Variants in NBEA observed in about 807,000 individuals in gnomAD.
NBEA encodes the protein lysosomal-trafficking regulator 2.
A neutral mutation model predicts 343.4 loss-of-function variants in NBEA; 44 were observed. The ratio of observed to expected loss-of-function variants is 0.13; its 90% confidence interval spans 0.10 to 0.16. The LOEUF (loss-of-function observed/expected upper bound fraction) is 0.16. Ranked by LOEUF, NBEA falls within the 10% of genes least tolerant of loss-of-function variation. The pLI, the probability that NBEA is intolerant of heterozygous loss-of-function variation, is 1.00. For synonymous variants in NBEA, 1,175 were observed against 1,238.7 expected, an observed-to-expected ratio of 0.95 and a Z score of 1.08; for missense variants, 2,555 against 3,631.3, an observed-to-expected ratio of 0.70 and a Z score of 7.62.
chr13:35,149,286 C>T (rs367658318), intron 18 of NBEA, among the ~76,000 whole-genome samples: 4 of 152,074 alleles, frequency 2.6e-5, no homozygotes, highest in African/African-American at 9.6e-5. Context: ...TATTGTATTT[C>T]CCTCATCATA....
intron 1 of NBEA, among the ~76,000 whole-genome samples, chr13:34,950,113 A>T (rs1425038813): frequency 1.3e-5 from 2 of 152,030 alleles, no homozygotes; most frequent in African/African-American, 4.8e-5. Flanking sequence ...GCTTCACTGG[A>T]CTTTATCCTG....
At chr13:35,279,678 C>G (rs1276373029) in intron 34 of NBEA, among the ~76,000 whole-genome samples, 2 of 152,270 alleles carry the variant, frequency 1.3e-5, no homozygotes, top group East Asian at 3.9e-4. Flanking sequence ...TCCTTGCTCT[C>G]TAGTTTCAGA....
intron 1 of NBEA, among the ~76,000 whole-genome samples, chr13:34,988,287 A>C (rs2060630135): frequency 6.6e-6 from 1 of 150,886 alleles, no homozygotes; most frequent in Non-Finnish European, 1.5e-5. Flanking sequence ...CTGTTCTCTG[A>C]GCTCAAACAC....
intron 38 of NBEA, among the ~76,000 whole-genome samples, chr13:35,399,089 T>A (rs1489556200): frequency 6.6e-6 from 1 of 152,122 alleles, no homozygotes; most frequent in Non-Finnish European, 1.5e-5. Flanking sequence ...CTTCTTTCTT[T>A]AAATCTCATG....
At chr13:34,962,276 G>A (rs1249719370) in intron 1 of NBEA, among the ~76,000 whole-genome samples, 2 of 151,974 alleles carry the variant, frequency 1.3e-5, no homozygotes, top group African/African-American at 2.4e-5. Context: ...GTGTGCATAT[G>A]TGTGTACATA....
chr13:35,426,187 A>G (rs1210420124), intron 38 of NBEA, among the ~76,000 whole-genome samples: 1 of 152,122 alleles, frequency 6.6e-6, no homozygotes, highest in Non-Finnish European at 1.5e-5. Flanking sequence ...TGATCCTGTC[A>G]TTATGATGTC....
intron 38 of NBEA, among the ~76,000 whole-genome samples, chr13:35,356,835 C>G (rs994074398): frequency 6.6e-6 from 1 of 152,082 alleles, no homozygotes; most frequent in Non-Finnish European, 1.5e-5. Flanking sequence ...GTATGCTGTT[C>G]CTTCTGCATG....
chr13:35,168,986 G>T lies in NBEA; in HGVS notation c.4234-1G>T. ...GTCTGTTTTGTCTAATGCATGTCCA[G>T]GGTTCTAAGGTTAGTATTACTTTTG... is the stretch of plus-strand genomic sequence containing the variant. On this transcript the variant is annotated splice_acceptor_variant, in intron 24 of 58. Transcript: ENST00000379939. LOFTEE classifies it high-confidence loss of function. 6.7e-7 allele frequency: 1 copy of T among 1,487,898 alleles called. No individual in the cohort carries two copies. Among genetic ancestry groups the T allele is most frequent in the Non-Finnish European group, 8.9e-7 (1 of 1,120,826 alleles). 92.2% of individuals were successfully genotyped at this position (1,487,898 alleles called of 1,614,324 possible).
chr13:35,358,287 G>C (rs1269626891), intron 38 of NBEA, among the ~76,000 whole-genome samples: 1 of 150,280 alleles, frequency 6.7e-6, no homozygotes, highest in Non-Finnish European at 1.5e-5. Flanking sequence ...ACCTCCCACA[G>C]TACTGGGGTT....
intron 41 of NBEA, among the ~76,000 whole-genome samples, chr13:35,544,658 C>A (rs1002338170): frequency 5.9e-5 from 9 of 152,106 alleles, no homozygotes; most frequent in Non-Finnish European, 1.3e-4. Context: ...CATAAGTGAA[C>A]TAAAATTCAT....
At chr13:35,116,755 A>G (rs2066511292) in intron 13 of NBEA, among the ~76,000 whole-genome samples, 1 of 152,020 alleles carries the variant, frequency 6.6e-6, no homozygotes, top group South Asian at 2.1e-4. Context: ...TGTATTGTAT[A>G]TTATGCATAT....
chr13:35,589,155 A>G (rs2081415564), intron 46 of NBEA, among the ~76,000 whole-genome samples: 2 of 152,142 alleles, frequency 1.3e-5, no homozygotes, highest in Non-Finnish European at 2.9e-5. Flanking sequence ...AGTGCATGGT[A>G]GGTACATAGG....
chr13:35,132,660 A>C (rs1348220513), intron 17 of NBEA, among the ~76,000 whole-genome samples: 1 of 152,232 alleles, frequency 6.6e-6, no homozygotes, highest in African/African-American at 2.4e-5. Context: ...CAAAAACTAT[A>C]TACTATATGC....
At chr13:35,558,715 T>A (rs1330959829) in intron 44 of NBEA, among the ~76,000 whole-genome samples, 1 of 152,176 alleles carries the variant, frequency 6.6e-6, no homozygotes, top group Non-Finnish European at 1.5e-5. Flanking sequence ...CAGCAAGCCC[T>A]CTAGTTGGTT....
At chr13:35,414,495 C>T (rs988757744) in intron 38 of NBEA, among the ~76,000 whole-genome samples, 19 of 151,990 alleles carry the variant, frequency 1.3e-4, no homozygotes, top group Admixed American at 4.6e-4. Context: ...GTTTTCGGTC[C>T]TTGCGATAGT....
At chr13:35,647,814 C>G (rs1380836093) in intron 51 of NBEA, among the ~76,000 whole-genome samples, 1 of 152,132 alleles carries the variant, frequency 6.6e-6, no homozygotes, top group African/African-American at 2.4e-5. Flanking sequence ...ATCTGCCTGC[C>G]TCAGCCTCCC....
intron 1 of NBEA, among the ~76,000 whole-genome samples, chr13:34,961,326 A>G (rs1188649951): frequency 6.6e-6 from 1 of 152,118 alleles, no homozygotes; most frequent in Non-Finnish European, 1.5e-5. Context: ...TTATCAGGAT[A>G]TGATCAGATA....
chr13:35,232,495 C>T lies in NBEA; in HGVS notation c.5652C>T (p.Ile1884=). Residue 1884 remains isoleucine (I), a synonymous_variant, in exon 34 of 59, where the codon ATC becomes ATT. Coordinates refer to ENST00000379939, the MANE Select transcript of NBEA (RefSeq NM_001385012.1). ...MPEDSAENMS[I]TAKLERALEK... ...TTTTATGTCTTAATTTCAACAGCAT[C>T]ACTGCAAAACTTGAAAGAGCGTTAG... is the stretch of plus-strand genomic sequence containing the variant. 1.3e-6 allele frequency: 2 copies of T among 1,539,334 alleles called. No individual in the cohort carries two copies. Among genetic ancestry groups the T allele is most frequent in the Non-Finnish European group, 1.8e-6 (2 of 1,140,040 alleles).
rs768874452 is a variant in NBEA at position 35,142,339 on chromosome 13, A to C, written c.2407A>C (p.Asn803His). The change falls in exon 18 of 59, where the codon AAC (asparagine) becomes CAC (histidine). Residue 803 changes from asparagine (N) to histidine (H), a missense_variant. This residue lies in a region of NBEA where 360 missense variants were observed against 519.1 expected (regional missense o/e 0.69). Coordinates refer to ENST00000379939, the MANE Select transcript of NBEA (RefSeq NM_001385012.1). ...LLGERLMLHT[N>H]TVTVTTYNTL... is the part of the protein sequence containing the mutation. ...TGGAGAAAGGCTGATGTTGCATACA[A>C]ACACTGTGACTGTCACCACATACAA... is the stretch of plus-strand genomic sequence containing the variant. 2 of 1,613,334 alleles carry C rather than the reference A, an allele frequency of 1.2e-6. No individual in the cohort carries two copies. The highest frequency in any genetic ancestry group is 2.2e-5 in the South Asian group (2 of 91,038).
Sources: allele counts gnomAD v4.1 joint callset (sites outside exome capture counted in the v4.1 genomes callset), GRCh38; gene constraint gnomAD v4.1.1; regional missense constraint gnomAD v4.1.1; transcripts MANE v1.5; gene names NCBI Gene and HGNC (gene_info 2026-07-23, HGNC 2026-07-21).